The following CCDC91 variants were observed in gnomAD, a reference collection of about 807,000 sequenced individuals.
The protein encoded by CCDC91 is coiled-coil domain containing 91.
A neutral mutation model predicts 63.2 loss-of-function variants in CCDC91; 48 were observed. The observed-to-expected ratio is 0.76, with a 90% confidence interval of 0.60 to 0.97. The LOEUF (loss-of-function observed/expected upper bound fraction) is 0.97, where lower values mean the gene tolerates loss of function less well. CCDC91 is among the 50% of genes least tolerant of loss of function. The pLI is 0.00. For synonymous variants in CCDC91, 167 were observed against 165.8 expected (o/e 1.01, Z -0.06); for missense variants, 500 against 494.6 (o/e 1.01, Z -0.10).
At chr12:28,445,251 G>C (rs1949437978) in intron 8 of CCDC91, among the ~76,000 whole-genome samples, 1 of 152,074 alleles carries the variant, frequency 6.6e-6, no homozygotes, top group Non-Finnish European at 1.5e-5. Flanking sequence ...TGGATAACTT[G>C]CCAAAGGTTC....
intron 6 of CCDC91, among the ~76,000 whole-genome samples, chr12:28,354,593 AACACACT>A (rs1943404007): frequency 6.6e-6 from 1 of 152,200 alleles, no homozygotes; most frequent in Non-Finnish European, 1.5e-5. Flanking sequence ...TGGACAGGAA[AACACACT>A]ACACAGATAA....
intron 7 of CCDC91, among the ~76,000 whole-genome samples, chr12:28,384,427 ATT>A (rs1945476738): frequency 6.6e-6 from 1 of 152,148 alleles, no homozygotes; most frequent in Non-Finnish European, 1.5e-5. Flanking sequence ...TGGTGCATGA[ATT>A]ATCAGTTTCT....
intron 1 of CCDC91, among the ~76,000 whole-genome samples, chr12:28,250,953 AGTGTGTGTGTGTGTGTGTGT>A (rs3064712): frequency 3.4e-5 from 5 of 145,436 alleles, no homozygotes; most frequent in Non-Finnish European, 6.1e-5. Context: ...TTAAGGTTTG[AGTGTGTGTGTGTGTGTGTGT>A]GTGTGTGTGT....
At chr12:28,543,690 A>T (rs1196387431) in intron 12 of CCDC91, among the ~76,000 whole-genome samples, 1 of 151,926 alleles carries the variant, frequency 6.6e-6, no homozygotes, top group Non-Finnish European at 1.5e-5. Flanking sequence ...TCAAGGCCTG[A>T]TATCTCCCCT....
At chr12:28,397,328 G>T (rs974707957) in intron 8 of CCDC91, among the ~76,000 whole-genome samples, 1 of 152,178 alleles carries the variant, frequency 6.6e-6, no homozygotes, top group Admixed American at 6.5e-5. Context: ...TGAAAGTAAA[G>T]AAACAGATGA....
At chr12:28,209,174 C>G (rs1465893078) in intron 1 of CCDC91, among the ~76,000 whole-genome samples, 11 of 152,164 alleles carry the variant, frequency 7.2e-5, no homozygotes, top group African/African-American at 2.7e-4. Context: ...TTGCATTAGT[C>G]TACTATTAAT....
chr12:28,478,174 GC>G (rs1456699775), intron 11 of CCDC91, among the ~76,000 whole-genome samples: 1 of 151,970 alleles, frequency 6.6e-6, no homozygotes, highest in Non-Finnish European at 1.5e-5. Flanking sequence ...AGCCAAAAGA[GC>G]AAAGCTGGAG....
intron 1 of CCDC91, among the ~76,000 whole-genome samples, chr12:28,193,133 T>C (rs1171265787): frequency 6.6e-6 from 1 of 152,262 alleles, no homozygotes; most frequent in Non-Finnish European, 1.5e-5. Context: ...AGTATGTTTA[T>C]TCGCCATTTG....
In CCDC91 at chr12:28,305,689, A is replaced by T; in HGVS notation, c.150A>T (p.Val50=). The change falls in exon 4 of 13, where the codon GTA becomes GTT. Residue 50 remains valine (V), a synonymous_variant. Coordinates refer to ENST00000536442, the MANE Select transcript of CCDC91 (RefSeq NM_018318.5). ...VHLSPSSPEI[V]LDRDHSSSIG... is the part of the protein sequence containing the mutation. ...TTTCACCATCTTCTCCTGAGATTGT[A>T]CTGGACCGTGACCACTCTTCTTCCA... 2 of 1,613,210 alleles carry T rather than the reference A, an allele frequency of 1.2e-6. No homozygotes were observed. The highest frequency in any genetic ancestry group is 1.7e-6 in the Non-Finnish European group (2 of 1,179,462).
intron 6 of CCDC91, among the ~76,000 whole-genome samples, chr12:28,331,486 A>C (rs756934921): frequency 1.8e-4 from 28 of 152,214 alleles, no homozygotes; most frequent in Non-Finnish European, 2.8e-4. Flanking sequence ...AATCATTTTT[A>C]AAACATTATG....
At chr12:28,283,808 G>A (rs1948746453) in intron 3 of CCDC91, among the ~76,000 whole-genome samples, 1 of 152,124 alleles carries the variant, frequency 6.6e-6, no homozygotes, top group African/African-American at 2.4e-5. Context: ...CCTGTCACAT[G>A]GGATCAAGTG....
chr12:28,346,679 T>C (rs947605396), intron 6 of CCDC91, among the ~76,000 whole-genome samples: 8 of 152,230 alleles, frequency 5.3e-5, no homozygotes, highest in African/African-American at 1.9e-4. Flanking sequence ...GAAAAGGGCA[T>C]GGAGCTTCCA....
intron 12 of CCDC91, among the ~76,000 whole-genome samples, chr12:28,519,374 T>A (rs914162129): frequency 2.0e-5 from 3 of 151,880 alleles, no homozygotes; most frequent in Non-Finnish European, 4.4e-5. Context: ...GCTTGGTCAC[T>A]TGGTGTACAG....
At chr12:28,461,192 TATC>T (rs1950292815) in intron 11 of CCDC91, among the ~76,000 whole-genome samples, 1 of 152,046 alleles carries the variant, frequency 6.6e-6, no homozygotes, top group Admixed American at 6.6e-5. Context: ...TTGACAAAAA[TATC>T]ATCATATGGT....
At position 28,402,609 on chromosome 12, in the gene CCDC91, C is replaced by A. The variant is rs148508982; in HGVS notation, c.762+11198C>A. Reference sequence around the variant, plus strand: ...CTGCAAAAAAAAAAAAAAATTATTTCTTTCTTCTCAATCCATATACCTTTT... The same window carrying A: ...CTGCAAAAAAAAAAAAAAATTATTTATTTCTTCTCAATCCATATACCTTTT... On this transcript the variant is annotated intron_variant, in intron 8 of 12. Coordinates refer to ENST00000536442, the MANE Select transcript of CCDC91 (RefSeq NM_018318.5). 8.8e-4 allele frequency among the ~76,000 whole-genome samples: 79 copies of A among 89,374 alleles called. 1 individual carries two copies. The East Asian group carries it at 0.026, about 29-fold the overall frequency. 58.6% of individuals were successfully genotyped at this position (89,374 alleles called of 152,430 possible). A position where few individuals can be genotyped will look rare whatever the true frequency, so the allele number is the denominator to read the frequency against.
chr12:28,363,374 C>G (rs1944029075), intron 7 of CCDC91, among the ~76,000 whole-genome samples: 1 of 152,010 alleles, frequency 6.6e-6, no homozygotes, highest in Non-Finnish European at 1.5e-5. Context: ...TTTTGTTACT[C>G]TTCTTTAGTT....
chr12:28,247,562 G>C (rs1188531690), intron 1 of CCDC91, among the ~76,000 whole-genome samples: 2 of 151,894 alleles, frequency 1.3e-5, no homozygotes, highest in Non-Finnish European at 2.9e-5. Flanking sequence ...GGAGTATTTA[G>C]AAGGAACACT....
At chr12:28,356,684 T>G (rs989877300) in intron 6 of CCDC91, among the ~76,000 whole-genome samples, 5 of 152,180 alleles carry the variant, frequency 3.3e-5, no homozygotes. Context: ...AGATATTATT[T>G]GCTAATTATG....
intron 8 of CCDC91, among the ~76,000 whole-genome samples, chr12:28,417,048 T>A (rs761292564): frequency 2.0e-5 from 3 of 152,142 alleles, no homozygotes; most frequent in Non-Finnish European, 4.4e-5. Context: ...TTTCTAGCAT[T>A]TGCTGTGTCT....
Sources: allele counts gnomAD v4.1 joint callset (sites outside exome capture counted in the v4.1 genomes callset), GRCh38; gene constraint gnomAD v4.1.1; transcripts MANE v1.5; gene names NCBI Gene and HGNC (gene_info 2026-07-23, HGNC 2026-07-21).